ATG10: variants seen among roughly 807,000 people sequenced by gnomAD.
ATG10 encodes the protein autophagy related 10.
In ATG10, 30 loss-of-function variants were observed where a neutral mutation model predicts 32.1. That is an observed-to-expected ratio of 0.94 (90% CI 0.70 to 1.27). ATG10 has a LOEUF of 1.27. Ranked by LOEUF, ATG10 falls within the 50% of genes most tolerant of loss-of-function variation. The pLI, the probability that ATG10 is intolerant of heterozygous loss-of-function variation, is 0.00. For synonymous variants in ATG10, 87 were observed against 91.5 expected, an observed-to-expected ratio of 0.95 and a Z score of 0.28; for missense variants, 233 against 262.3, an observed-to-expected ratio of 0.89 and a Z score of 0.77.
chr5:82,190,043 A>G (rs909473247), intron 5 of ATG10, among the ~76,000 whole-genome samples: 2 of 152,212 alleles, frequency 1.3e-5, no homozygotes, highest in Non-Finnish European at 2.9e-5. Context: ...CCTGTCTTCA[A>G]AAAGCATTTG....
At chr5:82,178,709 T>C in intron 5 of ATG10, 122 bp downstream of exon 5, 1 of 623,996 alleles carries the variant, frequency 1.6e-6, no homozygotes, top group South Asian at 2.5e-5. Context: ...CTTTACATAT[T>C]TCACCTCAAA....
At chr5:82,163,303 A>G (rs1743438642) in intron 3 of ATG10, among the ~76,000 whole-genome samples, 1 of 152,082 alleles carries the variant, frequency 6.6e-6, no homozygotes, top group South Asian at 2.1e-4. Context: ...TTAGTGAAAA[A>G]TATTTTGTAA....
At chr5:81,991,626 T>G (rs1203491467) in intron 2 of ATG10, among the ~76,000 whole-genome samples, 1 of 151,972 alleles carries the variant, frequency 6.6e-6, no homozygotes, top group Non-Finnish European at 1.5e-5. Context: ...AAACCCTTTC[T>G]CTACTAAAAA....
At chr5:82,085,014 C>T (rs990286628) in intron 3 of ATG10, among the ~76,000 whole-genome samples, 6 of 152,050 alleles carry the variant, frequency 3.9e-5, no homozygotes, top group East Asian at 1.9e-4. Flanking sequence ...GCTAAATGCT[C>T]CAATTAAAAG....
intron 4 of ATG10, among the ~76,000 whole-genome samples, chr5:82,175,785 C>A (rs1743991517): frequency 1.3e-5 from 2 of 152,104 alleles, no homozygotes. Context: ...CACTTCTTAG[C>A]CTGCTTTACT....
In ATG10 at chr5:82,222,034, A is replaced by C. The variant is rs542020369; in HGVS notation, c.454-30528A>C. Among the ~76,000 whole-genome samples, 175 of 152,350 alleles carry C rather than the reference A, an allele frequency of 1.1e-3. 2 individuals are homozygous for C. The highest frequency in any genetic ancestry group is 2.3e-3 in the Admixed American group (35 of 15,302). ...ATATTGATTAGTGCATTTCTTCCTA[A>C]GTTAAAGAAACAGAAGTTAGAGAAA... is the stretch of plus-strand genomic sequence containing the variant. On this transcript the variant is annotated intron_variant, in intron 5 of 7. Transcript: ENST00000282185.
chr5:82,150,998 A>C (rs1767571659), intron 3 of ATG10, among the ~76,000 whole-genome samples: 1 of 152,198 alleles, frequency 6.6e-6, no homozygotes, highest in African/African-American at 2.4e-5. Context: ...CATGAAAAGC[A>C]AGATGTGGAA....
chr5:82,009,283 G>A (rs1762063901), intron 2 of ATG10, among the ~76,000 whole-genome samples: 1 of 152,014 alleles, frequency 6.6e-6, no homozygotes, highest in African/African-American at 2.4e-5. Context: ...TTGCAGGCTA[G>A]GGAACCATTT....
At chr5:82,142,465 A>G (rs922302275) in intron 3 of ATG10, among the ~76,000 whole-genome samples, 2 of 152,228 alleles carry the variant, frequency 1.3e-5, no homozygotes, top group Admixed American at 1.3e-4. Flanking sequence ...CACAACAGTC[A>G]TGAGACAGCA....
chr5:82,106,833 T>G (rs1765457997), intron 3 of ATG10, among the ~76,000 whole-genome samples: 1 of 151,556 alleles, frequency 6.6e-6, no homozygotes, highest in African/African-American at 2.4e-5. Context: ...TAAAGTAAGA[T>G]AAGTGGAGAA....
At chr5:81,992,824 C>T (rs531960309) in intron 2 of ATG10, among the ~76,000 whole-genome samples, 8 of 151,924 alleles carry the variant, frequency 5.3e-5, no homozygotes, top group Admixed American at 2.0e-4. Flanking sequence ...AAAAGCAGTG[C>T]GAATTAATGA....
chr5:82,197,179 T>A (rs1194221418), intron 5 of ATG10, among the ~76,000 whole-genome samples: 1 of 152,208 alleles, frequency 6.6e-6, no homozygotes, highest in Non-Finnish European at 1.5e-5. Flanking sequence ...TTTTCTTAAT[T>A]TCATTTTCAT....
intron 3 of ATG10, among the ~76,000 whole-genome samples, chr5:82,129,254 T>G (rs1224639744): frequency 6.6e-6 from 1 of 151,994 alleles, no homozygotes; most frequent in Non-Finnish European, 1.5e-5. Flanking sequence ...CTAACCATTT[T>G]TCAAGGCTGT....
chr5:81,985,755 A>G lies in ATG10; in HGVS notation c.-12-1804A>G, dbSNP rs549891112. On this transcript the variant is annotated intron_variant, in intron 1 of 7. Coordinates refer to ENST00000282185, the MANE Select transcript of ATG10 (RefSeq NM_031482.5). ...TCCAAGGCATTTGCTTATAGAAATA[A>G]CAGTTGTCTTTTTTACTTTTTTTCT... Among the ~76,000 whole-genome samples, 5 of 152,242 alleles carry G rather than the reference A, an allele frequency of 3.3e-5. No individual in the cohort carries two copies. In the South Asian group the frequency reaches 6.2e-4, roughly 19 times the overall value.
At chr5:81,975,193 T>G (rs182998668) in intron 1 of ATG10, among the ~76,000 whole-genome samples, 4 of 152,360 alleles carry the variant, frequency 2.6e-5, no homozygotes, top group Admixed American at 2.0e-4. Flanking sequence ...TTTTAATCCA[T>G]ACTAATTCTT....
intron 1 of ATG10, among the ~76,000 whole-genome samples, chr5:81,982,380 C>T (rs1393144225): frequency 1.3e-5 from 2 of 152,042 alleles, no homozygotes; most frequent in Non-Finnish European, 2.9e-5. Flanking sequence ...TCAGGAGAAT[C>T]GCTTGAACTC....
At chr5:82,072,276 T>A (rs918747669) in intron 3 of ATG10, among the ~76,000 whole-genome samples, 1 of 152,148 alleles carries the variant, frequency 6.6e-6, no homozygotes, top group Non-Finnish European at 1.5e-5. Flanking sequence ...TTGCTAGAGG[T>A]TATCTGCTGA....
At chr5:82,094,205 T>G (rs1764980706) in intron 3 of ATG10, among the ~76,000 whole-genome samples, 1 of 152,164 alleles carries the variant, frequency 6.6e-6, no homozygotes, top group Non-Finnish European at 1.5e-5. Context: ...TTGCCTTGCT[T>G]TTTTCTCATA....
chr5:82,243,711 T>C (rs1023182678), intron 5 of ATG10, among the ~76,000 whole-genome samples: 8 of 152,054 alleles, frequency 5.3e-5, no homozygotes, highest in Admixed American at 6.6e-5. Flanking sequence ...TCAACTGTTA[T>C]AGGGGAGATT....
Sources: gnomAD v4.1 joint callset for allele counts (sites outside exome capture counted in the v4.1 genomes callset) on GRCh38, gnomAD v4.1.1 for gene constraint, MANE v1.5 for transcripts, NCBI Gene and HGNC (gene_info 2026-07-23, HGNC 2026-07-21) for gene names.